The following PLCL2 variants were observed in gnomAD, a reference collection of about 807,000 sequenced individuals.
The protein encoded by PLCL2 is phospholipase C like 2.
A neutral mutation model predicts 79.6 loss-of-function variants in PLCL2; 4 were observed. That is an observed-to-expected ratio of 0.05 (90% CI 0.02 to 0.11). PLCL2 has a LOEUF of 0.11. Among genes scored for constraint, PLCL2 ranks in the 10% least tolerant of loss-of-function variants. The pLI, the probability that PLCL2 is intolerant of heterozygous loss-of-function variation, is 1.00. For missense variants in PLCL2, 895 were observed against 1,291.0 expected, an observed-to-expected ratio of 0.69 and a Z score of 4.70; for synonymous variants, 484 against 457.7, an observed-to-expected ratio of 1.06 and a Z score of -0.73.
chr3:17,023,122 T>C (rs1207267529), intron 3 of PLCL2, among the ~76,000 whole-genome samples: 1 of 152,092 alleles, frequency 6.6e-6, no homozygotes, highest in Non-Finnish European at 1.5e-5. Context: ...TCGAGGTGGG[T>C]ACATAGTGGG....
intron 1 of PLCL2, among the ~76,000 whole-genome samples, chr3:16,933,518 G>T (rs1697460145): frequency 6.6e-6 from 1 of 152,048 alleles, no homozygotes; most frequent in Non-Finnish European, 1.5e-5. Flanking sequence ...TCCCTTCCCA[G>T]TGTCCTTCCA....
Position 17,011,596 on chromosome 3 carries a change from G to T in PLCL2, c.2250G>T (p.Gly750=). 6.2e-7 allele frequency: 1 copy of T among 1,614,000 alleles called. No individual in the cohort carries two copies. ...FSANTKDSVP[G]VSPQLLHIKI... ...CCAATACAAAAGACTCTGTCCCAGG[G>T]GTCTCACCTCAACTTCTTCACATTA... Residue 750 remains glycine, a synonymous_variant, in exon 2 of 6, where the codon GGG becomes GGT. Transcript: ENST00000615277. The surrounding 1 kb of genome is among the most constrained non-coding windows in gnomAD (Gnocchi z 7.9).
At chr3:16,889,748 A>T (rs758825353) in intron 1 of PLCL2, among the ~76,000 whole-genome samples, 1 of 152,208 alleles carries the variant, frequency 6.6e-6, no homozygotes, top group Non-Finnish European at 1.5e-5. Flanking sequence ...CCCATGGTTT[A>T]AATAAACTAG....
At chr3:16,921,119 G>A (rs1211918961) in intron 1 of PLCL2, among the ~76,000 whole-genome samples, 1 of 152,172 alleles carries the variant, frequency 6.6e-6, no homozygotes, top group Non-Finnish European at 1.5e-5. Flanking sequence ...TAAGGGCATG[G>A]AGCAAAGCTC....
intron 1 of PLCL2, among the ~76,000 whole-genome samples, chr3:16,972,375 G>C (rs543846052): frequency 2.9e-4 from 44 of 152,218 alleles, no homozygotes; most frequent in African/African-American, 1.0e-3. Context: ...TATGATTTTG[G>C]CTTTTCTGAA....
chr3:16,921,157 CA>C (rs993562309), intron 1 of PLCL2, among the ~76,000 whole-genome samples: 11 of 152,162 alleles, frequency 7.2e-5, no homozygotes, highest in African/African-American at 2.7e-4. Flanking sequence ...TTTATAGCAA[CA>C]AATACATGCT....
chr3:17,088,000 T>A (rs868807242), intron 5 of PLCL2, among the ~76,000 whole-genome samples: 1 of 152,166 alleles, frequency 6.6e-6, no homozygotes, highest in East Asian at 1.9e-4. Context: ...ATTTTCAACA[T>A]GTGAGTTCAG....
At chr3:16,977,902 G>T (rs2063943056) in intron 1 of PLCL2, among the ~76,000 whole-genome samples, 1 of 152,166 alleles carries the variant, frequency 6.6e-6, no homozygotes, top group African/African-American at 2.4e-5. Context: ...ACCTAATCTT[G>T]CTGCATCCTC....
intron 1 of PLCL2, among the ~76,000 whole-genome samples, chr3:16,984,927 G>A (rs893847076): frequency 4.1e-5 from 6 of 145,808 alleles, no homozygotes; most frequent in East Asian, 3.9e-4. Flanking sequence ...GCGAGACTAC[G>A]TCTTAAAAAA....
intron 3 of PLCL2, among the ~76,000 whole-genome samples, chr3:17,039,019 A>G (rs1575599524): frequency 6.6e-6 from 1 of 152,230 alleles, no homozygotes; most frequent in Non-Finnish European, 1.5e-5. Flanking sequence ...TCACATGTGT[A>G]AAACTAACCT....
chr3:17,034,024 A>G (rs2064614634), intron 3 of PLCL2, among the ~76,000 whole-genome samples: 1 of 152,198 alleles, frequency 6.6e-6, no homozygotes, highest in African/African-American at 2.4e-5. Flanking sequence ...CGATCCTTGA[A>G]TAATGTCATT....
intron 1 of PLCL2, among the ~76,000 whole-genome samples, chr3:16,942,623 TCTC>T (rs2063562076): frequency 1.3e-5 from 2 of 152,306 alleles, no homozygotes; most frequent in East Asian, 3.9e-4. Context: ...TTTCCATTCT[TCTC>T]ATTGTCCTAT....
intron 1 of PLCL2, among the ~76,000 whole-genome samples, chr3:16,937,511 A>G (rs1292635298): frequency 6.6e-6 from 1 of 152,196 alleles, no homozygotes; most frequent in Non-Finnish European, 1.5e-5. Context: ...CATAAATCAA[A>G]GAACAGGAAA....
chr3:17,082,853 G>C (rs1035897234), intron 5 of PLCL2, among the ~76,000 whole-genome samples: 8 of 151,990 alleles, frequency 5.3e-5, no homozygotes, highest in Admixed American at 5.2e-4. Context: ...TACATTAAAA[G>C]TAAAATAAAA....
intron 5 of PLCL2, among the ~76,000 whole-genome samples, chr3:17,071,312 A>C (rs1328706030): frequency 2.0e-5 from 3 of 152,166 alleles, no homozygotes; most frequent in African/African-American, 7.2e-5. Flanking sequence ...TTACTTGCCT[A>C]GTTTAGTTTT....
Position 17,048,008 on chromosome 3 carries a change from C to T in PLCL2, c.3094+5059C>T, listed in dbSNP as rs150768182. ...TCTTACATAAAAGAGGATGAGGCCC[C>T]GACACACTCCTGCATGGGGAAAACC... On this transcript the variant is annotated intron_variant, in intron 4 of 5. Coordinates refer to ENST00000615277, the MANE Select transcript of PLCL2 (RefSeq NM_001144382.2). Among the ~76,000 whole-genome samples, 27 of 152,156 alleles carry T rather than the reference C, an allele frequency of 1.8e-4. No individual in the cohort carries two copies. The East Asian group carries it at 4.2e-3, about 24-fold the overall frequency.
At chr3:17,031,430 G>A (rs1365199470) in intron 3 of PLCL2, among the ~76,000 whole-genome samples, 4 of 152,102 alleles carry the variant, frequency 2.6e-5, no homozygotes, top group African/African-American at 9.7e-5. Context: ...CTCCTTTCAT[G>A]TCTGCAGAGA....
chr3:17,012,393 A>G (rs761354239), intron 2 of PLCL2, among the ~76,000 whole-genome samples: 5 of 152,234 alleles, frequency 3.3e-5, no homozygotes, highest in Non-Finnish European at 7.3e-5. Flanking sequence ...TTGCTGTGTT[A>G]CACACCTTCA....
At position 16,966,374 on chromosome 3, in the gene PLCL2, G is replaced by C. The variant is rs536716829; in HGVS notation, c.328-43300G>C. ...TGCATCCCAGGGATGAAGCCCACTT[G>C]ATCATGGTGGATAAGCTTTTTAATG... On this transcript the variant is annotated intron_variant, in intron 1 of 5. Transcript: ENST00000615277. 6.6e-5 allele frequency among the ~76,000 whole-genome samples: 10 copies of C among 152,202 alleles called. No homozygotes were observed. The South Asian group carries it at 2.1e-3, about 32-fold the overall frequency.
Sources: gnomAD v4.1 joint callset for allele counts (sites outside exome capture counted in the v4.1 genomes callset) on GRCh38, gnomAD v4.1.1 for gene constraint, Gnocchi (gnomAD v3.1) non-coding constraint, MANE v1.5 for transcripts, NCBI Gene and HGNC (gene_info 2026-07-23, HGNC 2026-07-21) for gene names.